Variants in FAM167A observed in about 807,000 individuals in gnomAD.
FAM167A encodes the protein protein FAM167A.
In FAM167A, 23 loss-of-function variants were observed where a neutral mutation model predicts 14.9. That is an observed-to-expected ratio of 1.55 (90% CI 1.11 to 2.19). The LOEUF (loss-of-function observed/expected upper bound fraction) is 2.19, where lower values mean the gene tolerates loss of function less well. Among genes scored for constraint, FAM167A ranks in the 30% most tolerant of loss-of-function variants. The pLI, the probability that FAM167A is intolerant of heterozygous loss-of-function variation, is 0.00. For synonymous variants in FAM167A, 174 were observed against 117.7 expected, an observed-to-expected ratio of 1.48 and a Z score of -3.10; for missense variants, 401 against 281.5, an observed-to-expected ratio of 1.42 and a Z score of -3.04.
chr8:11,429,668 CAGAGCTGGAAGA>C (rs1422458241), intron 2 of FAM167A, among the ~76,000 whole-genome samples: 1 of 152,208 alleles, frequency 6.6e-6, no homozygotes, highest in Admixed American at 6.5e-5. Flanking sequence ...TGTCAGCACC[CAGAGCTGGAAGA>C]CTCTCCCAGG....
rs985740976 is a variant in FAM167A at position 11,422,393 on chromosome 8, T to G, written c.*1980A>C. ...GTGGGGGTGTGTGTGTGTGTGTGTG[T>G]GTGTGTGTGTGTAGGTCAGCCCGAG... is the stretch of plus-strand genomic sequence containing the variant. On this transcript the variant is annotated 3_prime_UTR_variant, in exon 3 of 3. Transcript: ENST00000284486. 2 of 151,390 alleles carry G rather than the reference T, an allele frequency of 1.3e-5. No individual in the cohort carries two copies. Among genetic ancestry groups the G allele is most frequent in the South Asian group, 4.2e-4 (2 of 4,788 alleles). The allele number at this position is 151,390 out of a possible 1,614,324, so 9.4% of individuals were successfully genotyped here. A position where few individuals can be genotyped will look rare whatever the true frequency, so the allele number is the denominator to read the frequency against.
rs889569020 is a variant in FAM167A, at chr8:11,421,953, G to C, written c.*2420C>G. 7.3e-5 allele frequency: 29 copies of C among 397,696 alleles called. No individual in the cohort carries two copies. Among genetic ancestry groups the C allele is most frequent in the African/African-American group, 5.3e-4 (26 of 48,728 alleles). The allele number at this position is 397,696 out of a possible 1,614,324, so 24.6% of individuals were successfully genotyped here. A position where few individuals can be genotyped will look rare whatever the true frequency, so the allele number is the denominator to read the frequency against. ...TTCACTGTGCAAAGTAAGGAAGCCA[G>C]TCAACACTGGACGATGTTTAGAAAA... is the stretch of plus-strand genomic sequence containing the variant. On this transcript the variant is annotated 3_prime_UTR_variant, in exon 3 of 3. Coordinates refer to ENST00000284486, the MANE Select transcript of FAM167A (RefSeq NM_053279.3).
chr8:11,467,776 A>G (rs1807831118), upstream of FAM167A, among the ~76,000 whole-genome samples: 1 of 152,114 alleles, frequency 6.6e-6, no homozygotes. Context: ...CGCGTCCTTC[A>G]CTGCAACTCC....
chr8:11,448,000 C>G (rs2117103184), intron 1 of FAM167A, among the ~76,000 whole-genome samples: 1 of 152,204 alleles, frequency 6.6e-6, no homozygotes, highest in East Asian at 1.9e-4. Context: ...TCAAGACCAG[C>G]CTGACCAACA....
intron 1 of FAM167A, among the ~76,000 whole-genome samples, chr8:11,448,298 C>G (rs77388456): frequency 1.3e-5 from 2 of 151,968 alleles, no homozygotes; most frequent in African/African-American, 2.4e-5. Flanking sequence ...GAGGCTAGTT[C>G]TGGGGATAAT....
chr8:11,453,275 C>G (rs6601589), intron 1 of FAM167A, among the ~76,000 whole-genome samples: 104,214 of 152,124 alleles, frequency 0.69, 36,039 homozygotes, highest in Middle Eastern at 0.76. Context: ...CTGGGGTCAA[C>G]TGATCTCCTG....
chr8:11,444,748 A>G lies in FAM167A; in HGVS notation c.-337T>C. 9.5e-7 allele frequency: 1 copy of G among 1,049,218 alleles called. No individual in the cohort carries two copies. The highest frequency in any genetic ancestry group is 1.1e-6 in the Non-Finnish European group (1 of 871,412). The allele number at this position is 1,049,218 out of a possible 1,614,324, so 65.0% of individuals were successfully genotyped here. A position where few individuals can be genotyped will look rare whatever the true frequency, so the allele number is the denominator to read the frequency against. ...TCTGTCCTGAACGCACTCGAAGACC[A>G]GACTGGCAGGAAGAAGGCCCAGAGC... On this transcript the variant is annotated 5_prime_UTR_variant, in exon 2 of 3. Coordinates refer to ENST00000284486, the MANE Select transcript of FAM167A (RefSeq NM_053279.3).
At chr8:11,442,343 G>A (rs79832285) in intron 2 of FAM167A, among the ~76,000 whole-genome samples, 2,390 of 152,204 alleles carry the variant, frequency 0.016, 59 homozygotes, top group African/African-American at 0.054. Context: ...TCATTGGATT[G>A]GTCTTCGGTG....
chr8:11,474,771 T>C (rs980977010), intron 1 of FAM167A: 3 of 150,804 alleles, frequency 2.0e-5, no homozygotes, highest in African/African-American at 7.4e-5. Context: ...CGCCATAGGC[T>C]TACGGGGAGG....
chr8:11,455,707 C>A (rs1219678472), intron 1 of FAM167A, among the ~76,000 whole-genome samples: 1 of 19,096 alleles, frequency 5.2e-5, no homozygotes, highest in South Asian at 2.0e-3. Flanking sequence ...GGTTGCTCTG[C>A]GGGGTGTATG....
At chr8:11,472,864 T>A (rs1202237210) in intron 1 of FAM167A, among the ~76,000 whole-genome samples, 1 of 152,220 alleles carries the variant, frequency 6.6e-6, no homozygotes, top group African/African-American at 2.4e-5. Flanking sequence ...AATTGCTGAA[T>A]AGACTCTATC....
At chr8:11,439,911 G>A (rs996701112) in intron 2 of FAM167A, among the ~76,000 whole-genome samples, 3 of 152,284 alleles carry the variant, frequency 2.0e-5, no homozygotes, top group Admixed American at 6.5e-5. Flanking sequence ...GTTGGCTGAT[G>A]GACCAAAGCC....
At chr8:11,456,392 T>TGAGTTTGA (rs143216488) in intron 1 of FAM167A, among the ~76,000 whole-genome samples, 1 of 120,606 alleles carries the variant, frequency 8.3e-6, no homozygotes, top group African/African-American at 3.3e-5. Context: ...GCCTGGTGTG[T>TGAGTTTGA]GTGTGAGTGT....
Position 11,427,440 on chromosome 8 carries a change from A to T in FAM167A, c.382-2804T>A, listed in dbSNP as rs575514304. Reference sequence around the variant, plus strand: ...CCTTCTCACTATTTCCTCTGTCTCCACTTGTAAGTGGTTATTTAGTATTTC... The same window carrying T: ...CCTTCTCACTATTTCCTCTGTCTCCTCTTGTAAGTGGTTATTTAGTATTTC... On this transcript the variant is annotated intron_variant, in intron 2 of 2. Transcript: ENST00000284486. Among the ~76,000 whole-genome samples the T allele has an allele frequency of 1.2e-4, 18 of 152,260 alleles. No homozygotes were observed. The South Asian group carries it at 3.7e-3, about 32-fold the overall frequency.
In FAM167A at chr8:11,421,791, G is replaced by A. The variant is rs147958697; in HGVS notation, c.*2582C>T. On this transcript the variant is annotated 3_prime_UTR_variant, in exon 3 of 3. Transcript: ENST00000284486. Reference sequence around the variant, plus strand: ...GATGGCAGAGAGATGGATGGATAATGAGTACAACTGCAAACAGCACTGTAC... The same window carrying A: ...GATGGCAGAGAGATGGATGGATAATAAGTACAACTGCAAACAGCACTGTAC... The A allele has an allele frequency of 3.8e-3, 1,501 of 398,906 alleles. 31 individuals are homozygous for A. Among genetic ancestry groups the A allele is most frequent in the East Asian group, 0.035 (989 of 28,076 alleles). The allele number at this position is 398,906 out of a possible 1,614,324, so 24.7% of individuals were successfully genotyped here. A position where few individuals can be genotyped will look rare whatever the true frequency, so the allele number is the denominator to read the frequency against.
intron 1 of FAM167A, among the ~76,000 whole-genome samples, chr8:11,450,509 T>C (rs1806980388): frequency 1.3e-5 from 2 of 152,230 alleles, no homozygotes; most frequent in African/African-American, 2.4e-5. Flanking sequence ...TTTGAACCTC[T>C]GCAGTCTAGC....
At chr8:11,475,614 C>G (rs572964973) in intron 1 of FAM167A, among the ~76,000 whole-genome samples, 2 of 152,248 alleles carry the variant, frequency 1.3e-5, no homozygotes, top group African/African-American at 4.8e-5. Flanking sequence ...TCAGAAGAGC[C>G]ATTACGTTTT....
At chr8:11,435,195 G>T (rs890103812) in intron 2 of FAM167A, 1 of 451,342 alleles carries the variant, frequency 2.2e-6, no homozygotes, top group Non-Finnish European at 4.5e-6. Flanking sequence ...CTGAGGTTCT[G>T]TCCCCTCCCC....
intron 1 of FAM167A, among the ~76,000 whole-genome samples, chr8:11,451,919 G>C (rs1807041317): frequency 6.6e-6 from 1 of 152,188 alleles, no homozygotes; most frequent in African/African-American, 2.4e-5. Context: ...GCACCTGACA[G>C]CCTTACAATA....
Sources: gnomAD v4.1 joint callset for allele counts (sites outside exome capture counted in the v4.1 genomes callset) on GRCh38, gnomAD v4.1.1 for gene constraint, MANE v1.5 for transcripts, NCBI Gene and HGNC (gene_info 2026-07-23, HGNC 2026-07-21) for gene names.